Variants in HSD17B12 observed in about 807,000 individuals in gnomAD.
HSD17B12 encodes the protein hydroxysteroid 17-beta dehydrogenase 12.
A neutral mutation model predicts 39.3 loss-of-function variants in HSD17B12; 32 were observed. That is an observed-to-expected ratio of 0.81 (90% CI 0.61 to 1.09). The LOEUF is 1.09. HSD17B12 is among the 50% of genes least tolerant of loss of function. The pLI is 0.00. For synonymous variants in HSD17B12, 150 were observed against 146.7 expected (o/e 1.02, Z -0.16); for missense variants, 342 against 382.9 (o/e 0.89, Z 0.89).
chr11:43,571,070 T>A, the HSD17B12 span, among the ~76,000 whole-genome samples: 3 of 152,234 alleles, frequency 2.0e-5, no homozygotes, highest in Non-Finnish European at 2.9e-5. Context: ...GCCTACCAGA[T>A]ATAGTGATCC....
At chr11:43,734,196 A>G (rs996233225) in intron 1 of HSD17B12, 26 of 1,573,158 alleles carry the variant, frequency 1.7e-5, no homozygotes, top group Non-Finnish European at 2.2e-5. Context: ...GTCTCCAGGC[A>G]GGTGAGCGAC....
chr11:43,644,610 C>A, the HSD17B12 span: 1 of 152,532 alleles, frequency 6.6e-6, no homozygotes, highest in African/African-American at 2.4e-5. Context: ...TTGGCTCTGT[C>A]CATATGGCTG....
intron 1 of HSD17B12, among the ~76,000 whole-genome samples, chr11:43,748,932 TAGATGA>T (rs1382264539): frequency 6.6e-6 from 1 of 152,198 alleles, no homozygotes; most frequent in Admixed American, 6.5e-5. Context: ...TTCCAGCTAA[TAGATGA>T]AGATGAATGA....
chr11:43,579,672 C>CGGGCGCGCAGACGCTCGGA, the HSD17B12 span, among the ~76,000 whole-genome samples: 4 of 152,054 alleles, frequency 2.6e-5, no homozygotes, highest in East Asian at 2.0e-4. Context: ...TCTGGCGCGG[C>CGGGCGCGCAGACGCTCGGA]GGGCGCGCAG....
At chr11:43,829,639 C>G (rs189826372) in intron 6 of HSD17B12, 1 of 152,120 alleles carries the variant, frequency 6.6e-6, no homozygotes, top group Non-Finnish European at 1.5e-5. Flanking sequence ...CTCCACTTAG[C>G]TGCTTTATAG....
chr11:43,731,681 C>T (rs1950268713), intron 1 of HSD17B12, among the ~76,000 whole-genome samples: 1 of 152,098 alleles, frequency 6.6e-6, no homozygotes, highest in Admixed American at 6.6e-5. Context: ...AAGCCTCCCA[C>T]CAGAATTTGG....
At chr11:43,656,197 G>A in the HSD17B12 span, among the ~76,000 whole-genome samples, 4,002 of 152,276 alleles carry the variant, frequency 0.026, 78 homozygotes, top group South Asian at 0.11. Flanking sequence ...TTGCGTAGAG[G>A]TGTTTATAGT....
chr11:43,612,804 T>C, the HSD17B12 span, among the ~76,000 whole-genome samples: 1 of 152,084 alleles, frequency 6.6e-6, no homozygotes, highest in South Asian at 2.1e-4. Context: ...GGGCAGAGTA[T>C]GTGGCTACTT....
the HSD17B12 span, among the ~76,000 whole-genome samples, chr11:43,568,572 G>A: frequency 6.6e-6 from 1 of 152,170 alleles, no homozygotes; most frequent in Middle Eastern, 3.2e-3. Flanking sequence ...TAAAATTTGT[G>A]GAACATGTTC....
At chr11:43,577,716 C>T in the HSD17B12 span, among the ~76,000 whole-genome samples, 1 of 152,066 alleles carries the variant, frequency 6.6e-6, no homozygotes, top group South Asian at 2.1e-4. Flanking sequence ...CATAGAAGCC[C>T]CAAGTGAGTT....
upstream of HSD17B12, chr11:43,680,685 G>A (rs1949733446): frequency 1.3e-6 from 1 of 744,476 alleles, no homozygotes; most frequent in Non-Finnish European, 2.4e-6. Context: ...CACGGATATG[G>A]CCCCGCGGGC....
upstream of HSD17B12, chr11:43,680,695 C>G: frequency 1.3e-6 from 1 of 789,174 alleles, no homozygotes; most frequent in Non-Finnish European, 2.2e-6. Context: ...GCCCCGCGGG[C>G]GGGGTTTAGG....
chr11:43,846,579 G>C (rs533620155), intron 9 of HSD17B12, among the ~76,000 whole-genome samples: 1 of 152,254 alleles, frequency 6.6e-6, no homozygotes, highest in East Asian at 1.9e-4. Context: ...GCATGAAAAT[G>C]GTTTTAACCT....
chr11:43,850,644 T>A (rs573109443), intron 9 of HSD17B12, among the ~76,000 whole-genome samples: 1 of 152,342 alleles, frequency 6.6e-6, no homozygotes, highest in Admixed American at 6.5e-5. Flanking sequence ...TGCCATGCAG[T>A]TTCAGGCATC....
At chr11:43,665,802 G>T in the HSD17B12 span, among the ~76,000 whole-genome samples, 1 of 152,118 alleles carries the variant, frequency 6.6e-6, no homozygotes, top group African/African-American at 2.4e-5. Flanking sequence ...AGCATGCCTT[G>T]TCTAAAATTA....
the HSD17B12 span, among the ~76,000 whole-genome samples, chr11:43,597,227 C>T: frequency 6.6e-6 from 1 of 152,092 alleles, no homozygotes; most frequent in East Asian, 1.9e-4. Flanking sequence ...TGAACCATGC[C>T]TTGTAAGATG....
chr11:43,746,098 GGTAA>G (rs1317945078), intron 1 of HSD17B12, among the ~76,000 whole-genome samples: 2 of 152,266 alleles, frequency 1.3e-5, no homozygotes, highest in East Asian at 1.9e-4. Flanking sequence ...AGTTTTTCTG[GGTAA>G]GTGAGTGAGT....
chr11:43,688,161 G>A (rs1453880149), intron 1 of HSD17B12, among the ~76,000 whole-genome samples: 3 of 151,858 alleles, frequency 2.0e-5, no homozygotes, highest in Admixed American at 6.6e-5. Context: ...GCAGTGAGCC[G>A]AGATTGCACC....
chr11:43,698,213 G>C (rs2134800614), intron 1 of HSD17B12, among the ~76,000 whole-genome samples: 1 of 152,276 alleles, frequency 6.6e-6, no homozygotes, highest in South Asian at 2.1e-4. Flanking sequence ...CTGAGCTCTG[G>C]GCACTGACAT....
Sources: gnomAD v4.1 joint callset for allele counts (sites outside exome capture counted in the v4.1 genomes callset) on GRCh38, gnomAD v4.1.1 for gene constraint, MANE v1.5 for transcripts, NCBI Gene and HGNC (gene_info 2026-07-23, HGNC 2026-07-21) for gene names.